Variants in AHR observed in about 807,000 individuals in gnomAD.
AHR encodes AH-receptor.
Under a neutral mutation model 86.8 loss-of-function variants are expected in AHR, and 40 were observed. That is an observed-to-expected ratio of 0.46 (90% CI 0.36 to 0.60). AHR has a LOEUF of 0.60. Among genes scored for constraint, AHR ranks in the 20% least tolerant of loss-of-function variants. The pLI is 0.00. For missense variants in AHR, 1,001 were observed against 1,011.6 expected (o/e 0.99, Z 0.14); for synonymous variants, 398 against 354.9 (o/e 1.12, Z -1.37).
At chr7:17,325,552 G>A (rs971876959) in intron 3 of AHR, among the ~76,000 whole-genome samples, 1 of 152,140 alleles carries the variant, frequency 6.6e-6, no homozygotes, top group Admixed American at 6.6e-5. Context: ...GTTCTTATGG[G>A]TAGAATCACC....
intron 9 of AHR, 78 bp from the exon 10 acceptor site, chr7:17,338,907 GT>G (rs920385110): frequency 7.5e-7 from 1 of 1,342,118 alleles, no homozygotes; most frequent in African/African-American, 1.5e-5. Context: ...TTTGCTTTAT[GT>G]TTTTCTTTTT....
Position 17,339,184 on chromosome 7 carries a change from T to G in AHR, c.1359T>G (p.Pro453=). 5 of 1,614,214 alleles carry G rather than the reference T, an allele frequency of 3.1e-6. No individual in the cohort carries two copies. The highest frequency in any genetic ancestry group is 4.2e-6 in the Non-Finnish European group (5 of 1,180,028). The change falls in exon 10 of 11, where the codon CCT becomes CCG. Residue 453 remains proline, a synonymous_variant. Coordinates refer to ENST00000242057, the MANE Select transcript of AHR (RefSeq NM_001621.5). ...TSTLSKDSLN[P]SSLLAAMMQQ... Reference sequence around the variant, plus strand: ...CTCTAAGCAAGGACTCTCTCAATCCTAGTTCCCTCCTGGCTGCCATGATGC... The same window carrying G: ...CTCTAAGCAAGGACTCTCTCAATCCGAGTTCCCTCCTGGCTGCCATGATGC...
At chr7:17,333,242 CTG>C (rs1782319217) in intron 6 of AHR, among the ~76,000 whole-genome samples, 1 of 151,886 alleles carries the variant, frequency 6.6e-6, no homozygotes, top group African/African-American at 2.4e-5. Flanking sequence ...GGTGGAATAT[CTG>C]TGTGCAGGAG....
Position 17,339,499 on chromosome 7 carries a change from T to G in AHR, c.1674T>G (p.Asn558Lys). 3.7e-6 allele frequency: 6 copies of G among 1,614,070 alleles called. No individual in the cohort carries two copies. Among genetic ancestry groups the G allele is most frequent in the Non-Finnish European group, 5.1e-6 (6 of 1,179,994 alleles). ...TTGAAGACATCAGACACATGCAGAATGAAAAATTTTTCAGAAATGATTTTT... is the reference window on the plus strand; with the variant it reads ...TTGAAGACATCAGACACATGCAGAAGGAAAAATTTTTCAGAAATGATTTTT... The part of the protein sequence containing the change: ...IDFEDIRHMQ[N>K]EKFFRNDFSG... The change falls in exon 10 of 11, where the codon AAT becomes AAG. Residue 558 changes from asparagine (N) to lysine (K), a missense_variant. Transcript: ENST00000242057.
At chr7:17,314,576 T>G (rs559322784) in intron 2 of AHR, among the ~76,000 whole-genome samples, 18 of 152,220 alleles carry the variant, frequency 1.2e-4, no homozygotes, top group Non-Finnish European at 1.9e-4. Flanking sequence ...TTTATTCATC[T>G]TCAGCTTGTG....
chr7:17,317,990 T>G (rs1257004748), intron 2 of AHR, among the ~76,000 whole-genome samples: 1 of 151,960 alleles, frequency 6.6e-6, no homozygotes, highest in African/African-American at 2.4e-5. Context: ...TTAAACATCT[T>G]TGGAAGTCAG....
In AHR at chr7:17,334,906, T is replaced by A. The variant is rs1195806420; in HGVS notation, c.928T>A (p.Tyr310Asn). ...AAACAGAGGAAGAATTGTTTTAGGA[T>A]ATACTGAAGCAGAGCTGTGCACGAG... Reference protein sequence around the residue: ...CDAKGRIVLGYTEAELCTRGS... With the variant: ...CDAKGRIVLGNTEAELCTRGS... Residue 310 changes from tyrosine (Y) to asparagine (N), a missense_variant, in exon 8 of 11, where the codon TAT becomes AAT. Around this residue, in one of 2 missense-constraint regions of AHR, gnomAD observed 394 missense variants for 468.5 expected, o/e 0.84. Coordinates refer to ENST00000242057, the MANE Select transcript of AHR (RefSeq NM_001621.5). 6.2e-7 allele frequency: 1 copy of A among 1,611,442 alleles called. No individual in the cohort carries two copies.
intron 2 of AHR, among the ~76,000 whole-genome samples, chr7:17,320,002 G>A (rs1782152515): frequency 6.6e-6 from 1 of 151,950 alleles, no homozygotes; most frequent in Non-Finnish European, 1.5e-5. Context: ...TTTGTTTTTG[G>A]TAGAAACCTC....
rs1304074613 is a variant in AHR at position 17,345,072 on chromosome 7, T to C, written c.*2008T>C. 1 of 151,992 alleles carries C rather than the reference T, an allele frequency of 6.6e-6. No homozygotes were observed. Among genetic ancestry groups the C allele is most frequent in the Non-Finnish European group, 1.5e-5 (1 of 67,958 alleles). 9.4% of individuals were successfully genotyped at this position (151,992 alleles called of 1,614,324 possible). ...TGGCTCACGCCTGTAATCCCAGCAC[T>C]TGGGGAGGGCGAGGAGGGTGGATCA... On this transcript the variant is annotated 3_prime_UTR_variant, in exon 11 of 11. Transcript: ENST00000242057.
Position 17,304,026 on chromosome 7 carries a change from T to G in AHR, c.65+4697T>G, listed in dbSNP as rs573977275. Among the ~76,000 whole-genome samples the G allele has an allele frequency of 1.7e-3, 265 of 152,248 alleles. 1 individual carries two copies. Among genetic ancestry groups the G allele is most frequent in the African/African-American group, 6.1e-3 (255 of 41,562 alleles). On this transcript the variant is annotated intron_variant, in intron 1 of 10. Coordinates refer to ENST00000242057, the MANE Select transcript of AHR (RefSeq NM_001621.5). ...GTATTTGCAGATTTTCTACTTAGGG[T>G]GTCCTTTACGTATTCATTTGTTTTG...
intron 3 of AHR, 46 bp from the exon 4 acceptor site, chr7:17,327,713 C>A (rs1478880028): frequency 9.5e-7 from 1 of 1,055,912 alleles, no homozygotes; most frequent in South Asian, 1.6e-5. Flanking sequence ...ATCTGATGGT[C>A]AATATTAAGT....
intron 1 of AHR, among the ~76,000 whole-genome samples, chr7:17,300,719 T>C (rs1445066182): frequency 6.6e-6 from 1 of 152,192 alleles, no homozygotes; most frequent in East Asian, 1.9e-4. Flanking sequence ...TATTAAAGTA[T>C]GTTTGTCTTA....
chr7:17,298,692 TG>T lies in AHR; in HGVS notation c.-572del. On this transcript the variant is annotated 5_prime_UTR_variant, in exon 1 of 11. Transcript: ENST00000242057. ...CCGTCGACGCTCTGTTCCGAGAGCG[TG>T]CCCCGGACCGCCAGCTCAGAACAGG... 2 of 395,396 alleles carry T rather than the reference TG, an allele frequency of 5.1e-6. No individual in the cohort carries two copies. The highest frequency in any genetic ancestry group is 8.9e-6 in the Non-Finnish European group (2 of 224,472). The allele number at this position is 395,396 out of a possible 1,614,324, so 24.5% of individuals were successfully genotyped here.
chr7:17,331,897 C>A (rs957492991), intron 6 of AHR, among the ~76,000 whole-genome samples: 1 of 151,940 alleles, frequency 6.6e-6, no homozygotes, highest in African/African-American at 2.4e-5. Context: ...ATTAACATTA[C>A]CAAGCAATGA....
chr7:17,301,752 A>G (rs563125652), intron 1 of AHR, among the ~76,000 whole-genome samples: 1 of 152,058 alleles, frequency 6.6e-6, no homozygotes, highest in East Asian at 1.9e-4. Context: ...ATTTAATCCC[A>G]CTGAAGTATC....
chr7:17,343,694 C>A lies in AHR; in HGVS notation c.*630C>A, dbSNP rs182805874. ...TTTTCTTTTTTAAATTAATATCTTT[C>A]TGCACACAAATATTATTTGTGTTTC... On this transcript the variant is annotated 3_prime_UTR_variant, in exon 11 of 11. Transcript: ENST00000242057. 2.0e-5 allele frequency: 3 copies of A among 152,534 alleles called. No homozygotes were observed. The East Asian group carries it at 5.7e-4, about 29-fold the overall frequency. 9.4% of individuals were successfully genotyped at this position (152,534 alleles called of 1,614,324 possible).
intron 4 of AHR, among the ~76,000 whole-genome samples, chr7:17,328,105 G>A (rs978806391): frequency 2.6e-5 from 4 of 151,812 alleles, no homozygotes; most frequent in African/African-American, 9.7e-5. Context: ...TTTCAGGCAC[G>A]TAGGGTCTAG....
At chr7:17,311,903 A>G (rs945787502) in intron 2 of AHR, among the ~76,000 whole-genome samples, 4 of 152,188 alleles carry the variant, frequency 2.6e-5, no homozygotes, top group Admixed American at 2.6e-4. Flanking sequence ...GAACCTTCGC[A>G]TAGGAAAGCA....
chr7:17,335,908 T>G (rs1033917629), intron 9 of AHR, 122 bp downstream of exon 9: 24 of 1,062,160 alleles, frequency 2.3e-5, no homozygotes, highest in Middle Eastern at 2.3e-4. Context: ...GTTTAATTCA[T>G]CTAGAAAGAA....
Sources: allele counts gnomAD v4.1 joint callset (sites outside exome capture counted in the v4.1 genomes callset), GRCh38; gene constraint gnomAD v4.1.1; regional missense constraint gnomAD v4.1.1; transcripts MANE v1.5; gene names NCBI Gene and HGNC (gene_info 2026-07-23, HGNC 2026-07-21).